CHUK: variants seen among roughly 807,000 people sequenced by gnomAD.
CHUK encodes the protein inhibitor of nuclear factor kappa-B kinase subunit alpha.
In CHUK, 35 loss-of-function variants were observed where a neutral mutation model predicts 104.8. That is an observed-to-expected ratio of 0.33 (90% confidence interval 0.26 to 0.44). CHUK has a LOEUF of 0.44. Among genes scored for constraint, CHUK ranks in the 20% least tolerant of loss-of-function variants. The pLI is 1.00. For synonymous variants in CHUK, 276 were observed against 291.9 expected (o/e 0.95, Z 0.56); for missense variants, 663 against 902.7 (o/e 0.73, Z 3.40).
At chr10:100,201,103 T>C (rs1845450691) in intron 14 of CHUK, among the ~76,000 whole-genome samples, 1 of 152,058 alleles carries the variant, frequency 6.6e-6, no homozygotes, top group Non-Finnish European at 1.5e-5. Flanking sequence ...ACCAAAACCA[T>C]TGGTATTACT....
intron 9 of CHUK, among the ~76,000 whole-genome samples, chr10:100,212,761 T>G (rs1361847683): frequency 6.6e-6 from 1 of 151,876 alleles, no homozygotes; most frequent in Non-Finnish European, 1.5e-5. Context: ...TCCCAGCACT[T>G]TGGGATTACA....
rs1447317692 is a variant in CHUK at position 100,225,981 on chromosome 10, G to A, written c.142C>T (p.Leu48=). ...DLKIAIKSCR[L]ELSTKNRERW... ...TCTCTGTTTTTGGTACTTAGCTCTA[G>A]GCGACAAGACTTAATTGCTATTTTG... The change falls in exon 2 of 21, where the codon CTA becomes TTA. Residue 48 remains leucine (L), a synonymous_variant. Coordinates refer to ENST00000370397, the MANE Select transcript of CHUK (RefSeq NM_001278.5). 12 of 1,609,800 alleles carry A rather than the reference G, an allele frequency of 7.5e-6. No individual in the cohort carries two copies. The South Asian group carries it at 1.2e-4, about 16-fold the overall frequency.
At chr10:100,208,663 T>C (rs1467616990) in intron 10 of CHUK, among the ~76,000 whole-genome samples, 2 of 151,860 alleles carry the variant, frequency 1.3e-5, no homozygotes, top group African/African-American at 2.4e-5. Flanking sequence ...TGGGCACCTA[T>C]AATCCCAGCT....
intron 4 of CHUK, among the ~76,000 whole-genome samples, chr10:100,221,246 C>T (rs180878302): frequency 2.3e-4 from 35 of 152,124 alleles, no homozygotes; most frequent in Non-Finnish European, 1.2e-4. Context: ...ACCAGCCTGG[C>T]CAACACAGTG....
At chr10:100,217,770 G>A (rs572221728) in intron 9 of CHUK, among the ~76,000 whole-genome samples, 71 of 152,234 alleles carry the variant, frequency 4.7e-4, no homozygotes, top group African/African-American at 1.5e-3. Flanking sequence ...CCAACTACTC[G>A]GGAGGCTGAG....
chr10:100,203,318 T>A (rs1330249249), intron 13 of CHUK, among the ~76,000 whole-genome samples: 2 of 152,146 alleles, frequency 1.3e-5, no homozygotes, highest in African/African-American at 4.8e-5. Flanking sequence ...ACCTCATTTT[T>A]CTTTAACAAT....
chr10:100,193,079 A>G, intron 19 of CHUK: 1 of 581,072 alleles, frequency 1.7e-6, no homozygotes, highest in Non-Finnish European at 3.1e-6. Context: ...TACATTGTCT[A>G]ATCAAATTTC....
intron 16 of CHUK, chr10:100,195,088 A>G (rs1471834220): frequency 1.3e-5 from 2 of 152,348 alleles, no homozygotes; most frequent in Admixed American, 1.3e-4. Context: ...CTTAAAGCCA[A>G]CTGGCAGCAG....
At chr10:100,210,362 C>G (rs940778832) in intron 9 of CHUK, among the ~76,000 whole-genome samples, 3 of 152,224 alleles carry the variant, frequency 2.0e-5, no homozygotes, top group African/African-American at 7.2e-5. Context: ...GCTGGGATTA[C>G]AGGCGTGAGC....
intron 19 of CHUK, among the ~76,000 whole-genome samples, chr10:100,192,011 G>A (rs917774132): frequency 2.6e-5 from 4 of 152,136 alleles, no homozygotes; most frequent in Non-Finnish European, 4.4e-5. Context: ...CCAGCTACTC[G>A]GGAAGCTGAA....
chr10:100,204,456 G>A, intron 13 of CHUK, 50 bp downstream of exon 13: 1 of 1,525,350 alleles, frequency 6.6e-7, no homozygotes, highest in Non-Finnish European at 9.1e-7. Context: ...AATAACAGAT[G>A]GCTTCAAGAA....
intron 20 of CHUK, 76 bp from the exon 21 acceptor site, chr10:100,189,703 G>A: frequency 9.8e-7 from 1 of 1,025,406 alleles, no homozygotes; most frequent in Non-Finnish European, 1.5e-6. Context: ...ATTTTTGCAA[G>A]TTTTCTGTTT....
intron 14 of CHUK, 149 bp downstream of exon 14, chr10:100,201,939 T>G (rs1845472702): frequency 1.5e-6 from 1 of 689,070 alleles, no homozygotes; most frequent in South Asian, 1.6e-5. Context: ...CTATGATACA[T>G]CCCTCTTTAT....
At chr10:100,226,286 T>C (rs1846104304) in intron 1 of CHUK, among the ~76,000 whole-genome samples, 1 of 152,102 alleles carries the variant, frequency 6.6e-6, no homozygotes, top group African/African-American at 2.4e-5. Flanking sequence ...GAACTCTCTC[T>C]CATATATAAT....
chr10:100,222,259 C>G (rs17886077), intron 3 of CHUK, 78 bp from the exon 4 acceptor site: 1 of 739,872 alleles, frequency 1.4e-6, no homozygotes, highest in Non-Finnish European at 2.4e-6. Context: ...AATTACTATA[C>G]TCTAAAAGAA....
intron 19 of CHUK, among the ~76,000 whole-genome samples, chr10:100,191,415 A>G (rs1332056994): frequency 1.3e-5 from 2 of 152,226 alleles, no homozygotes; most frequent in Non-Finnish European, 2.9e-5. Flanking sequence ...GAAAAGTAAA[A>G]TCTGTTCTGT....
chr10:100,220,354 GA>G (rs1274496872), intron 5 of CHUK, among the ~76,000 whole-genome samples: 2 of 148,538 alleles, frequency 1.3e-5, no homozygotes, highest in Non-Finnish European at 1.5e-5. Context: ...TATGAAAAAT[GA>G]AAAAAAAGAA....
chr10:100,225,769 ATAT>A (rs1478821344), intron 2 of CHUK, among the ~76,000 whole-genome samples, 151 bp downstream of exon 2: 1 of 152,174 alleles, frequency 6.6e-6, no homozygotes, highest in Admixed American at 6.5e-5. Context: ...TCTTAATGTG[ATAT>A]TATTATTTGA....
intron 9 of CHUK, among the ~76,000 whole-genome samples, chr10:100,211,116 AT>A (rs1845717942): frequency 6.6e-6 from 1 of 152,158 alleles, no homozygotes; most frequent in Admixed American, 6.5e-5. Context: ...ACAAATCTGA[AT>A]TGATGTTTTC....
Sources: gnomAD v4.1 joint callset for allele counts (sites outside exome capture counted in the v4.1 genomes callset) on GRCh38, gnomAD v4.1.1 for gene constraint, MANE v1.5 for transcripts, NCBI Gene and HGNC (gene_info 2026-07-23, HGNC 2026-07-21) for gene names.